GALNT2: variants seen among roughly 807,000 people sequenced by gnomAD.
GALNT2 encodes UDP-GalNAc:polypeptide N-acetylgalactosaminyltransferase 2.
In GALNT2, 31 loss-of-function variants were observed where a neutral mutation model predicts 81.4. That is an observed-to-expected ratio of 0.38 (90% CI 0.29 to 0.51). The LOEUF is 0.51. GALNT2 is among the 20% of genes least tolerant of loss of function. The probability of loss-of-function intolerance (pLI) is 0.87; values close to 1 mark genes in which losing one functional copy is unlikely to be tolerated. For synonymous variants in GALNT2, 303 were observed against 287.4 expected, an observed-to-expected ratio of 1.05 and a Z score of -0.55; for missense variants, 629 against 765.7, an observed-to-expected ratio of 0.82 and a Z score of 2.11.
At chr1:230,063,095 G>A (rs1172069273), upstream of GALNT2, among the ~76,000 whole-genome samples, 1 of 152,090 alleles carries the variant, frequency 6.6e-6, no homozygotes, top group Non-Finnish European at 1.5e-5. Flanking sequence ...GGTGGATCAT[G>A]AGGTCAGGAG....
intron 3 of GALNT2, among the ~76,000 whole-genome samples, chr1:230,228,780 G>T (rs745683094): frequency 1.2e-4 from 19 of 152,004 alleles, no homozygotes; most frequent in Non-Finnish European, 2.5e-4. Flanking sequence ...GTGACCATTT[G>T]ATTTTCCTGA....
chr1:230,183,261 C>T (rs1459656905), intron 2 of GALNT2, among the ~76,000 whole-genome samples: 1 of 152,132 alleles, frequency 6.6e-6, no homozygotes, highest in African/African-American at 2.4e-5. Context: ...TTTAGACCAT[C>T]GATGTACACA....
chr1:230,201,476 T>A (rs957371028), intron 2 of GALNT2, among the ~76,000 whole-genome samples: 8 of 152,226 alleles, frequency 5.3e-5, no homozygotes, highest in African/African-American at 1.9e-4. Context: ...CTCAGTTTCC[T>A]CATCTCTGAA....
At chr1:230,276,106 TACATATATAG>T (rs981189244) in intron 15 of GALNT2, among the ~76,000 whole-genome samples, 37 of 151,332 alleles carry the variant, frequency 2.4e-4, no homozygotes, top group Admixed American at 9.2e-4. Context: ...AACACATATA[TACATATATAG>T]ACACCACAGA....
At chr1:230,242,436 A>G (rs1572128007) in intron 6 of GALNT2, among the ~76,000 whole-genome samples, 1 of 152,366 alleles carries the variant, frequency 6.6e-6, no homozygotes, top group East Asian at 1.9e-4. Context: ...CCGGTTATGA[A>G]TAGTTGCATC....
chr1:230,157,472 A>C (rs1419816839), intron 1 of GALNT2, among the ~76,000 whole-genome samples: 1 of 152,244 alleles, frequency 6.6e-6, no homozygotes, highest in Non-Finnish European at 1.5e-5. Context: ...ACAACGCAGT[A>C]ATCCCACCCT....
intron 1 of GALNT2, among the ~76,000 whole-genome samples, chr1:230,159,747 G>A (rs909106812): frequency 6.6e-6 from 1 of 152,238 alleles, no homozygotes; most frequent in African/African-American, 2.4e-5. Flanking sequence ...GCTTGAGGGA[G>A]AAGATACCTT....
At chr1:230,269,300 C>A (rs1666112778) in intron 14 of GALNT2, among the ~76,000 whole-genome samples, 1 of 151,844 alleles carries the variant, frequency 6.6e-6, no homozygotes, top group Non-Finnish European at 1.5e-5. Context: ...ATTCTCCTGC[C>A]TCAGCCTCTC....
chr1:230,250,408 C>A, intron 9 of GALNT2, 49 bp from the exon 10 acceptor site: 1 of 1,442,612 alleles, frequency 6.9e-7, no homozygotes, highest in Non-Finnish European at 9.7e-7. Flanking sequence ...GCAATCTAAC[C>A]TTGACTTTGC....
intron 1 of GALNT2, among the ~76,000 whole-genome samples, chr1:230,135,904 G>A (rs779854609): frequency 6.6e-5 from 10 of 151,798 alleles, no homozygotes; most frequent in Non-Finnish European, 1.0e-4. Context: ...TGTTGCCCAG[G>A]CTGGTCCTGA....
At position 230,271,505 on chromosome 1, in the gene GALNT2, T is replaced by C. The variant is rs551071919; in HGVS notation, c.1441-2940T>C. Among the ~76,000 whole-genome samples, 99 of 152,366 alleles carry C rather than the reference T, an allele frequency of 6.5e-4. No individual in the cohort carries two copies. Among genetic ancestry groups the C allele is most frequent in the African/African-American group, 2.3e-3 (96 of 41,588 alleles). On this transcript the variant is annotated intron_variant, in intron 14 of 15. Transcript: ENST00000366672. The surrounding 1 kb of genome is among the most constrained non-coding windows in gnomAD (Gnocchi z 4.2). Reference sequence around the variant, plus strand: ...GAGTTAGCACAGACCCCACGGGTTATGGGCTTCCTCCCACAAGATGCTTCT... The same window carrying C: ...GAGTTAGCACAGACCCCACGGGTTACGGGCTTCCTCCCACAAGATGCTTCT...
At chr1:230,267,658 G>A (rs1015502868) in intron 14 of GALNT2, among the ~76,000 whole-genome samples, 6 of 152,218 alleles carry the variant, frequency 3.9e-5, no homozygotes, top group African/African-American at 9.6e-5. Flanking sequence ...GGCCCCACCC[G>A]TGTCAGGAGT....
At chr1:230,104,497 T>C (rs1660484053) in intron 1 of GALNT2, among the ~76,000 whole-genome samples, 1 of 152,154 alleles carries the variant, frequency 6.6e-6, no homozygotes, top group Non-Finnish European at 1.5e-5. Context: ...CCTTGTTGGA[T>C]GCACCGAGTC....
Position 230,067,288 on chromosome 1 carries a change from G to T in GALNT2, c.8G>T (p.Arg3Leu), listed in dbSNP as rs1258172396. 1.5e-6 allele frequency: 2 copies of T among 1,356,362 alleles called. No individual in the cohort carries two copies. The highest frequency in any genetic ancestry group is 2.8e-5 in the Admixed American group (1 of 35,464). 84.0% of individuals were successfully genotyped at this position (1,356,362 alleles called of 1,614,324 possible). A position where few individuals can be genotyped will look rare whatever the true frequency, so the allele number is the denominator to read the frequency against. The part of the protein sequence containing the change: MR[R>L]RSRMLLCFAF... Reference sequence around the variant, plus strand: ...GGCGGCCGAGTTGGGAGAATGCGGCGGCGCTCGCGGATGCTGCTCTGCTTC... The same window carrying T: ...GGCGGCCGAGTTGGGAGAATGCGGCTGCGCTCGCGGATGCTGCTCTGCTTC... The change falls in exon 1 of 16, where the codon CGG (arginine) becomes CTG (leucine). Residue 3 changes from arginine (R) to leucine (L), a missense_variant. This residue lies in a region of GALNT2 where 62 missense variants were observed against 47.3 expected (regional missense o/e 1.31). Coordinates refer to ENST00000366672, the MANE Select transcript of GALNT2 (RefSeq NM_004481.5).
intron 1 of GALNT2, among the ~76,000 whole-genome samples, chr1:230,071,782 G>A (rs1212245566): frequency 6.6e-6 from 1 of 152,178 alleles, no homozygotes; most frequent in Non-Finnish European, 1.5e-5. Flanking sequence ...CAGATAATCC[G>A]ACAGTGGCAC....
rs974401262 is a variant in GALNT2, at chr1:230,275,551, A to G, written c.1560+987A>G. Among the ~76,000 whole-genome samples, 14 of 151,448 alleles carry G rather than the reference A, an allele frequency of 9.2e-5. No individual in the cohort carries two copies. Among genetic ancestry groups the G allele is most frequent in the African/African-American group, 2.2e-4 (9 of 41,222 alleles). On this transcript the variant is annotated intron_variant, in intron 15 of 15. Transcript: ENST00000366672. The surrounding 1 kb of genome is among the most constrained non-coding windows in gnomAD (Gnocchi z 5.5). ...ATGCCACATAGATATACATATATAA[A>G]CGCCACATATATATACATATAAACA...
intron 2 of GALNT2, among the ~76,000 whole-genome samples, chr1:230,184,522 G>A (rs1663261139): frequency 6.6e-6 from 1 of 151,952 alleles, no homozygotes; most frequent in South Asian, 2.1e-4. Flanking sequence ...AGAATTCTAG[G>A]TGGTCATTTT....
chr1:230,266,783 G>A (rs539216727), intron 14 of GALNT2, among the ~76,000 whole-genome samples: 1 of 152,288 alleles, frequency 6.6e-6, no homozygotes, highest in Non-Finnish European at 1.5e-5. Context: ...TTAAATAGAA[G>A]ATACTTGGCG....
At chr1:230,183,043 C>T (rs1558128324) in intron 2 of GALNT2, among the ~76,000 whole-genome samples, 1 of 152,158 alleles carries the variant, frequency 6.6e-6, no homozygotes, top group Non-Finnish European at 1.5e-5. Context: ...GATCTAAAGT[C>T]TACATTGTCA....
Sources: allele counts gnomAD v4.1 joint callset (sites outside exome capture counted in the v4.1 genomes callset), GRCh38; gene constraint gnomAD v4.1.1; regional missense constraint gnomAD v4.1.1; non-coding constraint Gnocchi (gnomAD v3.1); transcripts MANE v1.5; gene names NCBI Gene and HGNC (gene_info 2026-07-23, HGNC 2026-07-21).